Variants in HGF observed in about 807,000 individuals in gnomAD.
The protein encoded by HGF is hepatocyte growth factor, also known as fibroblast-derived tumor cytotoxic factor.
A neutral mutation model predicts 111.6 loss-of-function variants in HGF; 39 were observed. That is an observed-to-expected ratio of 0.35 (90% CI 0.27 to 0.46). The LOEUF (loss-of-function observed/expected upper bound fraction) is 0.46, where lower values mean the gene tolerates loss of function less well. Among genes scored for constraint, HGF ranks in the 20% least tolerant of loss-of-function variants. The pLI is 1.00. For synonymous variants in HGF, 285 were observed against 294.8 expected (o/e 0.97, Z 0.34); for missense variants, 735 against 910.5 (o/e 0.81, Z 2.48).
intron 8 of HGF, among the ~76,000 whole-genome samples, chr7:81,728,394 C>T (rs1790075170): frequency 6.6e-6 from 1 of 152,172 alleles, no homozygotes; most frequent in Non-Finnish European, 1.5e-5. Context: ...TCTTTACGTA[C>T]ACAATTTCTT....
chr7:81,722,513 C>T (rs1436953326), intron 9 of HGF, among the ~76,000 whole-genome samples: 3 of 151,432 alleles, frequency 2.0e-5, no homozygotes, highest in African/African-American at 4.9e-5. Flanking sequence ...AAATCAAGTT[C>T]TTCAAAAAAT....
chr7:81,713,554 T>C (rs1026099387), intron 11 of HGF, among the ~76,000 whole-genome samples: 2 of 151,700 alleles, frequency 1.3e-5, no homozygotes, highest in Non-Finnish European at 2.9e-5. Flanking sequence ...AAAAAAAAAT[T>C]TGTAGACACT....
intron 8 of HGF, 51 bp from the exon 9 acceptor site, chr7:81,726,068 G>T (rs1448733711): frequency 6.4e-7 from 1 of 1,570,474 alleles, no homozygotes; most frequent in East Asian, 2.2e-5. Context: ...TTACGTTGGT[G>T]AAGTCAGCGC....
intron 7 of HGF, among the ~76,000 whole-genome samples, chr7:81,736,475 T>G (rs1308189062): frequency 6.6e-6 from 1 of 152,154 alleles, no homozygotes; most frequent in Non-Finnish European, 1.5e-5. Context: ...ATTATTCTAT[T>G]TTATTGTTGT....
chr7:81,729,610 C>T lies in HGF; in HGVS notation c.1035G>A (p.Lys345=), dbSNP rs751786738. The change falls in exon 8 of 18, where the codon AAG becomes AAA. Residue 345 remains lysine, a synonymous_variant. Transcript: ENST00000222390. Reference sequence around the variant, plus strand: ...CATTTGCCTACTTTACTCACTTGCACTTGAAATTTTCAGGAGTCATGTCAT... The same window carrying T: ...CATTTGCCTACTTTACTCACTTGCATTTGAAATTTTCAGGAGTCATGTCAT... ...HEHDMTPENF[K]CKDLRENYCR... 4 of 1,612,528 alleles carry T rather than the reference C, an allele frequency of 2.5e-6. No homozygotes were observed. In the South Asian group the frequency reaches 4.4e-5, roughly 18 times the overall value.
At position 81,720,784 on chromosome 7, in the gene HGF, G is replaced by C. The variant is rs1049590173; in HGVS notation, c.1232C>G (p.Thr411Arg). ...CATGTTCTTGTCCCACATTGAACAT[G>C]TTAGTCCAGATCTTGTTTGGGATAA... ...GNLSQTRSGL[T>R]CSMWDKNMED... The change falls in exon 10 of 18, where the codon ACA becomes AGA. Residue 411 changes from threonine to arginine, a missense_variant. Coordinates refer to ENST00000222390, the MANE Select transcript of HGF (RefSeq NM_000601.6). 3 of 1,613,154 alleles carry C rather than the reference G, an allele frequency of 1.9e-6. No homozygotes were observed. The highest frequency in any genetic ancestry group is 2.5e-6 in the Non-Finnish European group (3 of 1,179,196).
intron 7 of HGF, among the ~76,000 whole-genome samples, chr7:81,740,325 G>T (rs1395122106): frequency 6.6e-6 from 1 of 152,110 alleles, no homozygotes; most frequent in Non-Finnish European, 1.5e-5. Flanking sequence ...CCCAGTTAAT[G>T]ATACGAATAA....
intron 13 of HGF, among the ~76,000 whole-genome samples, chr7:81,708,017 C>G (rs1018519478): frequency 6.6e-6 from 1 of 152,050 alleles, no homozygotes; most frequent in Non-Finnish European, 1.5e-5. Context: ...AGTACTAGTA[C>G]ATTTTTTTGA....
chr7:81,738,012 G>A (rs189056448), intron 7 of HGF, among the ~76,000 whole-genome samples: 1 of 152,192 alleles, frequency 6.6e-6, no homozygotes, highest in African/African-American at 2.4e-5. Flanking sequence ...CTTACTTAAA[G>A]TGGCAGCTAA....
rs1788463887 is a variant in HGF, at chr7:81,750,847, A to G, written c.625+1273T>C. On this transcript the variant is annotated intron_variant, in intron 5 of 17. Coordinates refer to ENST00000222390, the MANE Select transcript of HGF (RefSeq NM_000601.6). ...TTTTTCTTCCATGTGCAAGTTTAAG[A>G]CAAATATTAATTCGTTCAGACTTAT... 5.4e-6 allele frequency: 3 copies of G among 551,366 alleles called. No individual in the cohort carries two copies. In the South Asian group the frequency reaches 2.4e-4, roughly 45 times the overall value. The allele number at this position is 551,366 out of a possible 1,614,324, so 34.2% of individuals were successfully genotyped here.
At chr7:81,759,564 G>GTGTT (rs572178523) in intron 2 of HGF, among the ~76,000 whole-genome samples, 22 of 152,212 alleles carry the variant, frequency 1.4e-4, no homozygotes, top group African/African-American at 5.1e-4. Flanking sequence ...GAGTGCAGTG[G>GTGTT]TGTGATCTCG....
chr7:81,743,853 A>G (rs1428206730), intron 6 of HGF, among the ~76,000 whole-genome samples: 1 of 152,168 alleles, frequency 6.6e-6, no homozygotes, highest in East Asian at 1.9e-4. Flanking sequence ...CTGAAAGTTC[A>G]GTTTCAATAG....
At chr7:81,749,543 A>G (rs1788407319) in intron 5 of HGF, among the ~76,000 whole-genome samples, 1 of 152,124 alleles carries the variant, frequency 6.6e-6, no homozygotes, top group Non-Finnish European at 1.5e-5. Flanking sequence ...CAAACTAGTT[A>G]ACATATGCAT....
chr7:81,712,938 T>G (rs1789609836), intron 11 of HGF, among the ~76,000 whole-genome samples: 1 of 152,204 alleles, frequency 6.6e-6, no homozygotes, highest in Non-Finnish European at 1.5e-5. Flanking sequence ...CCCTGTAGCT[T>G]ATCCTAGAGG....
intron 7 of HGF, chr7:81,742,743 G>C: frequency 1.4e-6 from 2 of 1,478,468 alleles, no homozygotes; most frequent in Non-Finnish European, 1.8e-6. Context: ...GTAAGGGCCA[G>C]CATGTAGAAA....
At position 81,762,821 on chromosome 7, in the gene HGF, T is replaced by C; in HGVS notation, c.140A>G (p.Lys47Arg). 6.3e-7 allele frequency: 1 copy of C among 1,598,326 alleles called. No individual in the cohort carries two copies. The highest frequency in any genetic ancestry group is 8.6e-7 in the Non-Finnish European group (1 of 1,165,788). ...NTIHEFKKSAKTTLIKIDPAL... is the reference protein window; with the variant it reads ...NTIHEFKKSARTTLIKIDPAL... Reference sequence around the variant, plus strand: ...TGGATCTATTTTGATTAGGGTAGTCTTTGCTGATTTTTTGAATTCATGAAT... The same window carrying C: ...TGGATCTATTTTGATTAGGGTAGTCCTTGCTGATTTTTTGAATTCATGAAT... Residue 47 changes from lysine (K) to arginine (R), a missense_variant, in exon 2 of 18, where the codon AAG becomes AGG. Lys to Arg is a conservative substitution (Grantham distance 26, BLOSUM62 2). This residue lies in a region of HGF where 553 missense variants were observed against 685.6 expected (regional missense o/e 0.81). Coordinates refer to ENST00000222390, the MANE Select transcript of HGF (RefSeq NM_000601.6).
chr7:81,719,474 C>T (rs949034807), intron 10 of HGF, among the ~76,000 whole-genome samples: 1 of 152,006 alleles, frequency 6.6e-6, no homozygotes, highest in Non-Finnish European at 1.5e-5. Context: ...TGATTCAGTC[C>T]AAATTGACAG....
rs533958382 is a variant in HGF, at chr7:81,719,198, C to T, written c.1271+1547G>A. Among the ~76,000 whole-genome samples, 11 of 152,324 alleles carry T rather than the reference C, an allele frequency of 7.2e-5. No individual in the cohort carries two copies. In the East Asian group the frequency reaches 1.7e-3, roughly 24 times the overall value. The stretch of plus-strand genomic sequence containing the variant: ...TCCTCTTCCTCCTCTACTTCCCTTG[C>T]CCAGTTCCTACTCATCATGTACATC... On this transcript the variant is annotated intron_variant, in intron 10 of 17. Coordinates refer to ENST00000222390, the MANE Select transcript of HGF (RefSeq NM_000601.6).
intron 1 of HGF, among the ~76,000 whole-genome samples, chr7:81,767,132 C>G (rs1404676755): frequency 6.6e-6 from 1 of 152,052 alleles, no homozygotes; most frequent in African/African-American, 2.4e-5. Context: ...TACCATATAA[C>G]CCCTTCACCT....
Sources: gnomAD v4.1 joint callset for allele counts (sites outside exome capture counted in the v4.1 genomes callset) on GRCh38, gnomAD v4.1.1 for gene constraint, gnomAD v4.1.1 regional missense constraint, MANE v1.5 for transcripts, NCBI Gene and HGNC (gene_info 2026-07-23, HGNC 2026-07-21) for gene names.